Variants in TBC1D32 observed in about 807,000 individuals in gnomAD.
TBC1D32 encodes the protein TBC1 domain family member 32, also known as protein broad-minded.
TBC1D32 carries 151 observed loss-of-function variants against 170.3 expected under a neutral mutation model. That is an observed-to-expected ratio of 0.89 (90% CI 0.78 to 1.01). The LOEUF is 1.01. Among genes scored for constraint, TBC1D32 ranks in the 50% least tolerant of loss-of-function variants. TBC1D32 has a pLI of 0.00. For missense variants in TBC1D32, 1,464 were observed against 1,457.1 expected (o/e 1.00, Z -0.08); for synonymous variants, 498 against 488.0 (o/e 1.02, Z -0.27).
chr6:121,237,836 T>C (rs1049999345), intron 20 of TBC1D32, among the ~76,000 whole-genome samples: 1 of 152,112 alleles, frequency 6.6e-6, no homozygotes, highest in Non-Finnish European at 1.5e-5. Flanking sequence ...TCTGTATTAG[T>C]TGCCTTCTTC....
At chr6:121,193,382 G>C (rs1790331384) in intron 22 of TBC1D32, among the ~76,000 whole-genome samples, 1 of 152,156 alleles carries the variant, frequency 6.6e-6, no homozygotes. Context: ...TTAGTAACTA[G>C]ACCTACTCAT....
chr6:121,102,339 T>C (rs1404896260), intron 30 of TBC1D32, among the ~76,000 whole-genome samples: 3 of 152,074 alleles, frequency 2.0e-5, no homozygotes, highest in South Asian at 2.1e-4. Context: ...CTTCAAACTA[T>C]ACTACAAGGC....
chr6:121,324,365 T>G (rs771078761), intron 1 of TBC1D32, among the ~76,000 whole-genome samples: 1 of 152,298 alleles, frequency 6.6e-6, no homozygotes, highest in Admixed American at 6.5e-5. Context: ...AATTATTGAT[T>G]GAATTTTCTT....
chr6:121,304,881 G>T, intron 5 of TBC1D32, 48 bp from the exon 6 acceptor site: 1 of 1,205,518 alleles, frequency 8.3e-7, no homozygotes, highest in South Asian at 1.3e-5. Context: ...CACAAGAATA[G>T]AATAGAGATG....
At chr6:121,323,086 A>G (rs1268375977) in intron 1 of TBC1D32, among the ~76,000 whole-genome samples, 1 of 152,210 alleles carries the variant, frequency 6.6e-6, no homozygotes. Context: ...TTATTTTTCA[A>G]TACTCCCAAA....
chr6:121,245,984 C>G (rs186238505), intron 17 of TBC1D32, among the ~76,000 whole-genome samples: 24 of 152,286 alleles, frequency 1.6e-4, no homozygotes, highest in Admixed American at 1.6e-3. Context: ...TCACCACCAT[C>G]ATGGCTGGGA....
intron 31 of TBC1D32, 49 bp downstream of exon 31, chr6:121,090,804 A>G: frequency 6.5e-7 from 1 of 1,536,096 alleles, no homozygotes; most frequent in Non-Finnish European, 8.9e-7. Flanking sequence ...TTAAGCAACC[A>G]AAGTTAGCTA....
At chr6:121,291,187 A>G (rs971810622) in intron 12 of TBC1D32, among the ~76,000 whole-genome samples, 7 of 152,094 alleles carry the variant, frequency 4.6e-5, no homozygotes, top group African/African-American at 1.7e-4. Flanking sequence ...GGTACTCCAC[A>G]TAAATCACAC....
At chr6:121,115,097 A>G in intron 27 of TBC1D32, 75 bp downstream of exon 27, 1 of 1,073,562 alleles carries the variant, frequency 9.3e-7, no homozygotes, top group East Asian at 2.7e-5. Flanking sequence ...GTTAAATTAA[A>G]TACTACTGAG....
Position 121,160,040 on chromosome 6 carries a change from C to A in TBC1D32, c.2743G>T (p.Asp915Tyr), listed in dbSNP as rs1317112116. 6.2e-7 allele frequency: 1 copy of A among 1,607,240 alleles called. No homozygotes were observed. The highest frequency in any genetic ancestry group is 2.2e-5 in the East Asian group (1 of 44,718). Residue 915 changes from aspartate (D) to tyrosine (Y), a missense_variant, in exon 24 of 32, where the codon GAC becomes TAC. Physicochemically the swap from Asp to Tyr is radical, Grantham distance 160. Around this residue, in one of 3 missense-constraint regions of TBC1D32, gnomAD observed 1,363 missense variants for 1,338.1 expected, o/e 1.02. Transcript: ENST00000398212. The part of the protein sequence containing the change: ...SYPLPNCYLS[D>Y]ITRNAGIKQD... Reference sequence around the variant, plus strand: ...TTTATACCAGCATTTCTTGTAATGTCTGACAGATAGCAGTTTGGCAATGGA... The same window carrying A: ...TTTATACCAGCATTTCTTGTAATGTATGACAGATAGCAGTTTGGCAATGGA...
At chr6:121,285,726 G>A (rs200426667) in intron 12 of TBC1D32, among the ~76,000 whole-genome samples, 13 of 152,276 alleles carry the variant, frequency 8.5e-5, no homozygotes, top group Non-Finnish European at 1.8e-4. Flanking sequence ...AGCCTAACTG[G>A]GAGGCACCCC....
At chr6:121,220,071 A>C (rs1370001364) in intron 21 of TBC1D32, among the ~76,000 whole-genome samples, 1 of 152,156 alleles carries the variant, frequency 6.6e-6, no homozygotes, top group Admixed American at 6.5e-5. Flanking sequence ...CAACAATATT[A>C]AGATTAGCGC....
At chr6:121,191,483 A>G (rs1463341432) in intron 22 of TBC1D32, among the ~76,000 whole-genome samples, 2 of 152,122 alleles carry the variant, frequency 1.3e-5, no homozygotes, top group African/African-American at 4.8e-5. Context: ...TGGAGAAGAG[A>G]AATAGGGAGC....
At position 121,106,025 on chromosome 6, in the gene TBC1D32, G is replaced by A. The variant is rs1369164391; in HGVS notation, c.3463C>T (p.Gln1155Ter). 1 of 1,605,254 alleles carries A rather than the reference G, an allele frequency of 6.2e-7. No individual in the cohort carries two copies. The highest frequency in any genetic ancestry group is 1.3e-5 in the African/African-American group (1 of 74,738). The change falls in exon 30 of 32, where the codon CAG (glutamine) becomes TAG (stop). Residue 1155 changes from glutamine to a stop codon, truncating the protein, a stop_gained and splice_region_variant. Coordinates refer to ENST00000398212, the MANE Select transcript of TBC1D32 (RefSeq NM_152730.6). LOFTEE classifies it high-confidence loss of function. ...AATGCTACTCCCTTATGGATTACCTGTGATGGTGCAAAACCAGACATGTGA... is the reference window on the plus strand; with the variant it reads ...AATGCTACTCCCTTATGGATTACCTATGATGGTGCAAAACCAGACATGTGA... ...AFHMSGFAPS[Q>*]ICLQWITQCF...
chr6:121,278,215 C>A (rs758752253), intron 15 of TBC1D32, among the ~76,000 whole-genome samples: 18 of 151,996 alleles, frequency 1.2e-4, no homozygotes, highest in Non-Finnish European at 1.9e-4. Flanking sequence ...TGTGTCATAT[C>A]CTCCAGAAGA....
At chr6:121,208,729 G>GAAAAAAAAAAAAAAA (rs57771111) in intron 21 of TBC1D32, among the ~76,000 whole-genome samples, 3 of 86,898 alleles carry the variant, frequency 3.5e-5, no homozygotes, top group Non-Finnish European at 7.1e-5. Context: ...GAAACACCTG[G>GAAAAAAAAAAAAAAA]AAAAAAAAAA....
At chr6:121,192,066 T>TTATATATATATATATATATATATATATA (rs1554263739) in intron 22 of TBC1D32, among the ~76,000 whole-genome samples, 8 of 122,400 alleles carry the variant, frequency 6.5e-5, no homozygotes, top group African/African-American at 2.1e-4. Flanking sequence ...AAACTACCCT[T>TTATATATATATATATATATATATATATA]TATATATATA....
rs542669275 is a variant in TBC1D32 at position 121,113,222 on chromosome 6, T to C, written c.3054-45A>G. 17 of 1,315,180 alleles carry C rather than the reference T, an allele frequency of 1.3e-5. No homozygotes were observed. In the South Asian group the frequency reaches 1.3e-4, roughly 10 times the overall value. 81.5% of individuals were successfully genotyped at this position (1,315,180 alleles called of 1,614,324 possible). On this transcript the variant is annotated intron_variant, in intron 27 of 31. Coordinates refer to ENST00000398212, the MANE Select transcript of TBC1D32 (RefSeq NM_152730.6). ...AACATAAAACATATCAGGTCTTGCA[T>C]TGAATGTTTTAAAATTACTTCTTTT...
intron 24 of TBC1D32, among the ~76,000 whole-genome samples, chr6:121,140,889 T>C (rs1782703203): frequency 6.6e-6 from 1 of 152,128 alleles, no homozygotes. Flanking sequence ...ATGAGTCAAA[T>C]CAGAGGTTAT....
Sources: gnomAD v4.1 joint callset for allele counts (sites outside exome capture counted in the v4.1 genomes callset) on GRCh38, gnomAD v4.1.1 for gene constraint, gnomAD v4.1.1 regional missense constraint, MANE v1.5 for transcripts, NCBI Gene and HGNC (gene_info 2026-07-23, HGNC 2026-07-21) for gene names.